BCAR3: variants seen among roughly 807,000 people sequenced by gnomAD.
BCAR3 encodes the protein breast cancer anti-estrogen resistance protein 3.
A neutral mutation model predicts 80.1 loss-of-function variants in BCAR3; 37 were observed. The ratio of observed to expected loss-of-function variants is 0.46; its 90% CI spans 0.36 to 0.61. The LOEUF is 0.61. Among genes scored for constraint, BCAR3 ranks in the 20% least tolerant of loss-of-function variants. The probability of loss-of-function intolerance (pLI) is 0.00; values close to 1 mark genes in which losing one functional copy is unlikely to be tolerated. For synonymous variants in BCAR3, 389 were observed against 418.9 expected (o/e 0.93, Z 0.87); for missense variants, 978 against 1,068.2 (o/e 0.92, Z 1.18).
rs1553226886 is a variant in BCAR3 at position 93,573,617 on chromosome 1, TA to T, written c.1803-1777del. 4.4e-4 allele frequency among the ~76,000 whole-genome samples: 61 copies of T among 139,642 alleles called. 4 individuals are homozygous for T. The highest frequency in any genetic ancestry group is 6.0e-4 in the Non-Finnish European group (39 of 64,896). The allele number at this position is 139,642 out of a possible 152,430, so 91.6% of individuals were successfully genotyped here. A position where few individuals can be genotyped will look rare whatever the true frequency, so the allele number is the denominator to read the frequency against. On this transcript the variant is annotated intron_variant, in intron 8 of 11. Transcript: ENST00000260502. ...TAGACCTAAAATATATTTTTATTATTATTATTATTATTATTATTTTTTTTTT... is the reference window on the plus strand; with the variant it reads ...TAGACCTAAAATATATTTTTATTATTTTATTATTATTATTATTTTTTTTTT...
At position 93,664,626 on chromosome 1, in the gene BCAR3, T is replaced by A. The variant is rs145680682; in HGVS notation, c.317+9988A>T. Among the ~76,000 whole-genome samples the A allele has an allele frequency of 3.2e-3, 486 of 152,312 alleles. 7 individuals are homozygous for A. Among genetic ancestry groups the A allele is most frequent in the African/African-American group, 0.011 (477 of 41,568 alleles). On this transcript the variant is annotated intron_variant, in intron 2 of 11. Coordinates refer to ENST00000260502, the MANE Select transcript of BCAR3 (RefSeq NM_003567.4). Reference sequence around the variant, plus strand: ...AAGACTAATACACAGTGGTACTGGTTGATAAAAACTTGACCCAGTCATGGG... The same window carrying A: ...AAGACTAATACACAGTGGTACTGGTAGATAAAAACTTGACCCAGTCATGGG...
chr1:93,567,422 C>T lies in BCAR3; in HGVS notation c.2156G>A (p.Arg719His), dbSNP rs763920350. 5.0e-6 allele frequency: 8 copies of T among 1,614,032 alleles called. No homozygotes were observed. Among genetic ancestry groups the T allele is most frequent in the African/African-American group, 2.7e-5 (2 of 74,912 alleles). The change falls in exon 11 of 12, where the codon CGC (arginine) becomes CAC (histidine). Residue 719 changes from arginine to histidine, a missense_variant. Arg to His is a conservative substitution (Grantham distance 29). Transcript: ENST00000260502. ...LLMPLVTLME[R>H]QAVTFEGTDM... The stretch of plus-strand genomic sequence containing the variant: ...GGTTCCTTCAAAAGTCACAGCCTGG[C>T]GCTCCATTAACGTCACAAGCGGCAT...
intron 3 of BCAR3, among the ~76,000 whole-genome samples, chr1:93,624,339 A>T (rs565006013): frequency 6.6e-6 from 1 of 152,318 alleles, no homozygotes; most frequent in South Asian, 2.1e-4. Flanking sequence ...AACCCTCATG[A>T]CTTCTTTCCA....
At chr1:93,694,289 C>T (rs1402221801) in intron 3 of BCAR3, among the ~76,000 whole-genome samples, 1 of 152,172 alleles carries the variant, frequency 6.6e-6, no homozygotes, top group Non-Finnish European at 1.5e-5. Context: ...CTCCGGGATC[C>T]TGAAATGCCC....
intron 2 of BCAR3, among the ~76,000 whole-genome samples, chr1:93,733,029 G>A (rs1553168520): frequency 6.6e-6 from 1 of 152,158 alleles, no homozygotes; most frequent in Non-Finnish European, 1.5e-5. Flanking sequence ...AAAGCAACAC[G>A]AAATACAAAA....
chr1:93,657,795 AAG>A (rs1647459163), intron 2 of BCAR3, among the ~76,000 whole-genome samples: 1 of 152,174 alleles, frequency 6.6e-6, no homozygotes, highest in African/African-American at 2.4e-5. Context: ...GGAATTAAAA[AAG>A]CTTAATGAAC....
chr1:93,722,985 C>T (rs1186609841), intron 2 of BCAR3, among the ~76,000 whole-genome samples: 1 of 152,112 alleles, frequency 6.6e-6, no homozygotes, highest in East Asian at 1.9e-4. Flanking sequence ...GCCTGAAGAA[C>T]AAAGAAGCAG....
chr1:93,624,374 C>G (rs1557627021), intron 3 of BCAR3, among the ~76,000 whole-genome samples: 1 of 152,208 alleles, frequency 6.6e-6, no homozygotes, highest in Non-Finnish European at 1.5e-5. Flanking sequence ...ACGTTTACAT[C>G]ATCTCCAAAT....
chr1:93,835,386 G>A (rs184357006), intron 2 of BCAR3, among the ~76,000 whole-genome samples: 127 of 152,254 alleles, frequency 8.3e-4, no homozygotes, highest in Non-Finnish European at 1.5e-3. Context: ...GCAGCTTAGC[G>A]TTCCAACTTC....
chr1:93,612,128 T>C (rs1674968549), intron 3 of BCAR3, among the ~76,000 whole-genome samples: 1 of 152,144 alleles, frequency 6.6e-6, no homozygotes, highest in Non-Finnish European at 1.5e-5. Context: ...ACAAGCAGAT[T>C]TCTTTCCCAA....
rs115501085 is a variant in BCAR3, at chr1:93,747,375, A to C, written c.-62-41233T>G. ...ACAAGCTGTAGTGTCTGTGCCCAGC[A>C]TTGTTGCAGACAGTATAGGGGCTAC... is the stretch of plus-strand genomic sequence containing the variant. On this transcript the variant is annotated intron_variant, in intron 2 of 13. Coordinates refer to the BCAR3 transcript ENST00000370244. Among the ~76,000 whole-genome samples, 1,459 of 148,438 alleles carry C rather than the reference A, an allele frequency of 9.8e-3. 15 individuals are homozygous for C. The highest frequency in any genetic ancestry group is 0.024 in the Middle Eastern group (7 of 294).
chr1:93,564,730 T>C (rs754986253), intron 11 of BCAR3, among the ~76,000 whole-genome samples: 1 of 152,230 alleles, frequency 6.6e-6, no homozygotes, highest in African/African-American at 2.4e-5. Flanking sequence ...TTTTTGCATA[T>C]GGATATCCAA....
Position 93,721,559 on chromosome 1 carries a change from G to A in BCAR3, c.-62-15417C>T, listed in dbSNP as rs118131887. ...GGCCCCAGTGGCCAGGAGACCTCTA[G>A]AACAGACTGGAACCCTTGGTAAATG... On this transcript the variant is annotated intron_variant, in intron 2 of 13. Transcript: ENST00000370244. Among the ~76,000 whole-genome samples the A allele has an allele frequency of 2.6e-5, 4 of 152,306 alleles. No individual in the cohort carries two copies. The East Asian group carries it at 7.7e-4, about 29-fold the overall frequency.
intron 3 of BCAR3, among the ~76,000 whole-genome samples, chr1:93,626,157 C>G (rs1381035341): frequency 1.3e-5 from 2 of 152,204 alleles, no homozygotes; most frequent in African/African-American, 2.4e-5. Flanking sequence ...ACAATCCACT[C>G]CACTGCAAGG....
chr1:93,751,637 A>C (rs1253566420), intron 2 of BCAR3, among the ~76,000 whole-genome samples: 2 of 152,202 alleles, frequency 1.3e-5, no homozygotes, highest in African/African-American at 4.8e-5. Context: ...GAAAATATCA[A>C]ATAATTCACA....
chr1:93,768,499 A>T (rs116641679), intron 2 of BCAR3, among the ~76,000 whole-genome samples: 1 of 152,198 alleles, frequency 6.6e-6, no homozygotes, highest in Non-Finnish European at 1.5e-5. Context: ...GGAGGATGCC[A>T]GGAAAAACAC....
chr1:93,799,822 A>T (rs1274628077), intron 2 of BCAR3, among the ~76,000 whole-genome samples: 13 of 152,344 alleles, frequency 8.5e-5, no homozygotes, highest in Non-Finnish European at 1.5e-5. Context: ...AGGTATATTG[A>T]CAGCTGTTCC....
intron 3 of BCAR3, among the ~76,000 whole-genome samples, chr1:93,691,810 A>G (rs1310763925): frequency 6.6e-6 from 1 of 152,140 alleles, no homozygotes; most frequent in African/African-American, 2.4e-5. Flanking sequence ...AAAGACCAAG[A>G]GTTCTCAGCC....
At chr1:93,614,059 G>A in intron 3 of BCAR3, 1 of 1,446,652 alleles carries the variant, frequency 6.9e-7, no homozygotes, top group Non-Finnish European at 9.1e-7. Context: ...GAAGTCGGCA[G>A]CCGGGGGAGT....
Sources: gnomAD v4.1 joint callset for allele counts (sites outside exome capture counted in the v4.1 genomes callset) on GRCh38, gnomAD v4.1.1 for gene constraint, MANE v1.5 for transcripts, NCBI Gene and HGNC (gene_info 2026-07-23, HGNC 2026-07-21) for gene names.